ZBTB20: variants seen among roughly 807,000 people sequenced by gnomAD.
ZBTB20 encodes zinc finger and BTB domain containing 20.
In ZBTB20, 9 loss-of-function variants were observed where a neutral mutation model predicts 56.9. The ratio of observed to expected loss-of-function variants is 0.16; its 90% CI spans 0.10 to 0.28. The LOEUF (loss-of-function observed/expected upper bound fraction) is 0.28. ZBTB20 is among the 10% of genes least tolerant of loss of function. The pLI is 1.00. For missense variants in ZBTB20, 655 were observed against 1,003.0 expected (o/e 0.65, Z 4.69); for synonymous variants, 417 against 420.7 (o/e 0.99, Z 0.11).
At chr3:114,833,539 A>T (rs1364676717) in intron 4 of ZBTB20, among the ~76,000 whole-genome samples, 5 of 150,302 alleles carry the variant, frequency 3.3e-5, no homozygotes, top group African/African-American at 1.2e-4. Context: ...TTTATTGTTT[A>T]TTTTTTTTTA....
chr3:114,996,854 T>C (rs2079048303), intron 2 of ZBTB20, among the ~76,000 whole-genome samples: 2 of 151,804 alleles, frequency 1.3e-5, no homozygotes, highest in Admixed American at 6.6e-5. Flanking sequence ...AAAGAAGACA[T>C]TTATGCAGCC....
chr3:115,012,555 C>G (rs897879876), intron 2 of ZBTB20, among the ~76,000 whole-genome samples: 1 of 151,638 alleles, frequency 6.6e-6, no homozygotes, highest in Non-Finnish European at 1.5e-5. Flanking sequence ...ACTAGAGTAT[C>G]CAGATTTACA....
intron 6 of ZBTB20, among the ~76,000 whole-genome samples, chr3:114,621,983 T>C (rs950686104): frequency 6.6e-6 from 1 of 152,206 alleles, no homozygotes; most frequent in Admixed American, 6.5e-5. Context: ...AAAATCTCTC[T>C]GGCAGATTAT....
intron 4 of ZBTB20, among the ~76,000 whole-genome samples, chr3:114,820,052 T>C (rs866201147): frequency 2.0e-5 from 3 of 151,934 alleles, no homozygotes; most frequent in African/African-American, 7.2e-5. Context: ...TTACATACAA[T>C]TGGAGAAGAA....
chr3:114,710,841 C>T (rs2064027832), intron 5 of ZBTB20, among the ~76,000 whole-genome samples: 1 of 152,176 alleles, frequency 6.6e-6, no homozygotes, highest in African/African-American at 2.4e-5. Context: ...CTATAGCTTT[C>T]TGTCAGTCTT....
In ZBTB20 at chr3:114,316,509, T is replaced by G. The variant is rs1255601503; in HGVS notation, c.*22496A>C. ...ACCTATACATGTATAATATATACAC[T>G]ATATATATGTGGATACATATAGGAA... On this transcript the variant is annotated 3_prime_UTR_variant, in exon 12 of 12. Transcript: ENST00000675478. The G allele has an allele frequency of 5.7e-6, 3 of 529,824 alleles. No homozygotes were observed. The Admixed American group carries it at 5.9e-5, about 10-fold the overall frequency. 32.8% of individuals were successfully genotyped at this position (529,824 alleles called of 1,614,324 possible).
chr3:114,793,207 A>G (rs954939520), intron 5 of ZBTB20, among the ~76,000 whole-genome samples: 4 of 152,058 alleles, frequency 2.6e-5, no homozygotes, highest in Non-Finnish European at 5.9e-5. Flanking sequence ...GATAGCAGCA[A>G]TAAGGCTGAG....
intron 6 of ZBTB20, among the ~76,000 whole-genome samples, chr3:114,600,560 A>G (rs16822990): frequency 0.13 from 20,154 of 152,010 alleles, 1,939 homozygotes; most frequent in African/African-American, 0.27. Flanking sequence ...TCTCAATCAG[A>G]TAAATTCACT....
chr3:115,094,911 C>A (rs1033818279), intron 1 of ZBTB20, among the ~76,000 whole-genome samples: 3 of 152,052 alleles, frequency 2.0e-5, no homozygotes, highest in Non-Finnish European at 4.4e-5. Context: ...TTAGTTACAA[C>A]CAATTGGGCA....
chr3:114,703,274 T>C (rs974612719), intron 5 of ZBTB20, among the ~76,000 whole-genome samples: 4 of 152,170 alleles, frequency 2.6e-5, no homozygotes, highest in Non-Finnish European at 5.9e-5. Flanking sequence ...TTCTGGTCCC[T>C]CTTCTCTCAT....
At chr3:114,795,033 T>C (rs992366239) in intron 5 of ZBTB20, among the ~76,000 whole-genome samples, 2 of 152,046 alleles carry the variant, frequency 1.3e-5, no homozygotes, top group African/African-American at 2.4e-5. Context: ...AAGAAATCCG[T>C]TAACCAACAA....
At chr3:115,106,232 C>CTTTTT (rs1271544340) in intron 1 of ZBTB20, among the ~76,000 whole-genome samples, 7 of 130,526 alleles carry the variant, frequency 5.4e-5, no homozygotes, top group Non-Finnish European at 8.3e-5. Context: ...CACAATAATT[C>CTTTTT]TTTTTTTTTT....
intron 6 of ZBTB20, among the ~76,000 whole-genome samples, chr3:114,569,961 C>T (rs187188861): frequency 2.1e-4 from 31 of 150,984 alleles, no homozygotes; most frequent in African/African-American, 7.3e-4. Flanking sequence ...TTAGACTTAT[C>T]TGAGCCAGTC....
At chr3:114,858,422 T>G (rs2075344348) in intron 4 of ZBTB20, among the ~76,000 whole-genome samples, 1 of 152,110 alleles carries the variant, frequency 6.6e-6, no homozygotes, top group African/African-American at 2.4e-5. Context: ...AATAACAGCT[T>G]GATGAAGAGA....
intron 10 of ZBTB20, among the ~76,000 whole-genome samples, chr3:114,365,992 G>A (rs2082358988): frequency 2.6e-5 from 4 of 152,130 alleles, no homozygotes; most frequent in Admixed American, 2.0e-4. Flanking sequence ...GCTTACAAAT[G>A]CACTACATCA....
intron 6 of ZBTB20, among the ~76,000 whole-genome samples, chr3:114,549,948 A>AT (rs574248838): frequency 1.3e-5 from 2 of 150,864 alleles, no homozygotes; most frequent in Non-Finnish European, 3.0e-5. Flanking sequence ...CTTCTTTTTT[A>AT]TTTTTTTGAG....
At chr3:115,138,540 T>G (rs1337371460) in intron 1 of ZBTB20, among the ~76,000 whole-genome samples, 1 of 152,078 alleles carries the variant, frequency 6.6e-6, no homozygotes, top group East Asian at 1.9e-4. Context: ...CGTCCCAGAA[T>G]AGTGGTCTGA....
At chr3:114,740,811 G>T (rs1268999649) in intron 5 of ZBTB20, among the ~76,000 whole-genome samples, 1 of 152,108 alleles carries the variant, frequency 6.6e-6, no homozygotes, top group African/African-American at 2.4e-5. Flanking sequence ...CCATAATTCT[G>T]CTTTATTAAT....
intron 2 of ZBTB20, among the ~76,000 whole-genome samples, chr3:114,997,651 A>C (rs570170055): frequency 6.6e-6 from 1 of 151,978 alleles, no homozygotes; most frequent in South Asian, 2.1e-4. Flanking sequence ...AGACATAGAA[A>C]AGATAAAATT....
Sources: gnomAD v4.1 joint callset for allele counts (sites outside exome capture counted in the v4.1 genomes callset) on GRCh38, gnomAD v4.1.1 for gene constraint, MANE v1.5 for transcripts, NCBI Gene and HGNC (gene_info 2026-07-23, HGNC 2026-07-21) for gene names.